The following TRMT11 variants were observed in gnomAD, a reference collection of about 807,000 sequenced individuals.
TRMT11 encodes the protein tRNA methyltransferase 11.
TRMT11 carries 53 observed loss-of-function variants against 62.8 expected under a neutral mutation model. The observed-to-expected ratio is 0.84, with a 90% confidence interval of 0.68 to 1.06. The LOEUF is 1.06. TRMT11 is among the 50% of genes least tolerant of loss of function. The pLI, the probability that TRMT11 is intolerant of heterozygous loss-of-function variation, is 0.00. For missense variants in TRMT11, 556 were observed against 553.4 expected, an observed-to-expected ratio of 1.00 and a Z score of -0.05; for synonymous variants, 188 against 190.3, an observed-to-expected ratio of 0.99 and a Z score of 0.10.
At chr6:126,232,873 T>C in the TRMT11 span, among the ~76,000 whole-genome samples, 1 of 152,348 alleles carries the variant, frequency 6.6e-6, no homozygotes, top group African/African-American at 2.4e-5. Context: ...CTGTAAGTAG[T>C]CATAATTCAA....
chr6:126,187,473 A>T (rs2128244434), intron 1 of TRMT11, among the ~76,000 whole-genome samples: 1 of 152,176 alleles, frequency 6.6e-6, no homozygotes, highest in East Asian at 1.9e-4. Context: ...ATCTAAATTG[A>T]TAGATAAATA....
intron 21 of TRMT11, among the ~76,000 whole-genome samples, chr6:126,168,731 C>T (rs750123404): frequency 1.3e-5 from 2 of 152,150 alleles, no homozygotes. Flanking sequence ...GTTGGCCAGG[C>T]TGGTCTCAAA....
At chr6:126,045,779 A>G (rs1473634119) in intron 16 of TRMT11, among the ~76,000 whole-genome samples, 1 of 152,162 alleles carries the variant, frequency 6.6e-6, no homozygotes, top group Non-Finnish European at 1.5e-5. Flanking sequence ...TGCTTGGGAC[A>G]TATGGTGGCA....
At chr6:126,143,542 A>G (rs1322749248) in intron 21 of TRMT11, among the ~76,000 whole-genome samples, 1 of 152,122 alleles carries the variant, frequency 6.6e-6, no homozygotes, top group Non-Finnish European at 1.5e-5. Flanking sequence ...TCAGATTTGG[A>G]AAAGAATTAA....
intron 17 of TRMT11, among the ~76,000 whole-genome samples, chr6:126,096,194 T>C (rs1052405604): frequency 3.9e-5 from 6 of 152,234 alleles, no homozygotes; most frequent in African/African-American, 1.4e-4. Context: ...GTATAGCCTT[T>C]CATTAGGGCC....
At chr6:125,987,062 GT>G (rs1045213148) in intron 1 of TRMT11, 8 of 165,518 alleles carry the variant, frequency 4.8e-5, no homozygotes, top group African/African-American at 1.9e-4. Flanking sequence ...TTCAAGAAAC[GT>G]TTTCAGAATG....
At chr6:126,186,058 G>T (rs1778523753) in intron 1 of TRMT11, among the ~76,000 whole-genome samples, 1 of 152,136 alleles carries the variant, frequency 6.6e-6, no homozygotes, top group African/African-American at 2.4e-5. Context: ...AATGATATGT[G>T]CATTTTAAAA....
rs66890632 is a variant in TRMT11 at position 126,151,905 on chromosome 6, C to CTCTTTCTTTCTTTCTTTCTTTCTTTCTT, written c.*1824-22906_*1824-22879dup. Among the ~76,000 whole-genome samples the CTCTTTCTTTCTTTCTTTCTTTCTTTCTT allele has an allele frequency of 5.8e-3, 469 of 80,404 alleles. 12 individuals carry two copies. The highest frequency in any genetic ancestry group is 0.015 in the Middle Eastern group (2 of 134). 52.7% of individuals were successfully genotyped at this position (80,404 alleles called of 152,430 possible). ...CCTTCCTTGTCTTTTTCTTTCTTTT[C>CTCTTTCTTTCTTTCTTTCTTTCTTTCTT]TCTTTCTTTCTTTCTTTCTTTCTTT... On this transcript the variant is annotated intron_variant and NMD_transcript_variant, in intron 21 of 22. Coordinates refer to the TRMT11 transcript ENST00000648977.
At chr6:126,228,266 C>G in the TRMT11 span, among the ~76,000 whole-genome samples, 1 of 152,192 alleles carries the variant, frequency 6.6e-6, no homozygotes, top group Admixed American at 6.5e-5. Context: ...TGATCTGAGG[C>G]TAGGGAGATG....
chr6:126,011,171 T>C, intron 8 of TRMT11, 82 bp from the exon 9 acceptor site: 2 of 1,257,716 alleles, frequency 1.6e-6, no homozygotes, highest in Non-Finnish European at 2.2e-6. Flanking sequence ...TTTCAGTGAG[T>C]TAAAACATTA....
intron 12 of TRMT11, among the ~76,000 whole-genome samples, chr6:126,028,475 A>T (rs1773595997): frequency 6.6e-6 from 1 of 152,176 alleles, no homozygotes; most frequent in African/African-American, 2.4e-5. Flanking sequence ...ATAAATTATG[A>T]CTTGACTTGA....
At chr6:126,142,865 T>C (rs1404849801) in intron 21 of TRMT11, among the ~76,000 whole-genome samples, 1 of 152,050 alleles carries the variant, frequency 6.6e-6, no homozygotes, top group Admixed American at 6.6e-5. Flanking sequence ...GTCTCAATTT[T>C]CTAAACTGTA....
intron 1 of TRMT11, among the ~76,000 whole-genome samples, chr6:126,191,593 T>C (rs1778601290): frequency 6.6e-6 from 1 of 151,768 alleles, no homozygotes; most frequent in Non-Finnish European, 1.5e-5. Flanking sequence ...TACATTTAAA[T>C]CTTTAATCTA....
intron 12 of TRMT11, among the ~76,000 whole-genome samples, chr6:126,035,283 T>A (rs1774979875): frequency 6.6e-6 from 1 of 152,148 alleles, no homozygotes. Context: ...GTGAAAATAG[T>A]AGCCAAAGTC....
intron 8 of TRMT11, among the ~76,000 whole-genome samples, chr6:126,010,031 C>CT (rs375634299): frequency 8.2e-4 from 121 of 148,462 alleles, no homozygotes; most frequent in East Asian, 3.9e-4. Context: ...AAGTACAAAA[C>CT]TTTTTTTTTT....
intron 12 of TRMT11, among the ~76,000 whole-genome samples, chr6:126,037,884 T>C (rs1051646157): frequency 1.3e-5 from 2 of 152,096 alleles, no homozygotes; most frequent in Non-Finnish European, 2.9e-5. Context: ...ATGTTTTCCA[T>C]TTAAGTCTCC....
At chr6:126,099,929 C>G (rs2128176878) in intron 17 of TRMT11, among the ~76,000 whole-genome samples, 1 of 151,976 alleles carries the variant, frequency 6.6e-6, no homozygotes, top group East Asian at 1.9e-4. Context: ...GGGTGTGGAG[C>G]CTGGTAGGTA....
chr6:126,132,975 T>C (rs1777804642), intron 21 of TRMT11, among the ~76,000 whole-genome samples: 1 of 152,030 alleles, frequency 6.6e-6, no homozygotes, highest in African/African-American at 2.4e-5. Context: ...ATTTAATCCA[T>C]ATGTTTTGGC....
intron 17 of TRMT11, among the ~76,000 whole-genome samples, chr6:126,090,020 G>A (rs970385185): frequency 5.3e-5 from 8 of 152,118 alleles, no homozygotes; most frequent in African/African-American, 1.9e-4. Flanking sequence ...TGCTCCACCT[G>A]GCCATGTATC....
Sources: gnomAD v4.1 joint callset for allele counts (sites outside exome capture counted in the v4.1 genomes callset) on GRCh38, gnomAD v4.1.1 for gene constraint, MANE v1.5 for transcripts, NCBI Gene and HGNC (gene_info 2026-07-23, HGNC 2026-07-21) for gene names.